Variants in URI1 observed in about 807,000 individuals in gnomAD.
URI1 encodes URI1 prefoldin like chaperone.
Under a neutral mutation model 60.2 loss-of-function variants are expected in URI1, and 39 were observed. The observed-to-expected ratio is 0.65, with a 90% CI of 0.50 to 0.85. The LOEUF (loss-of-function observed/expected upper bound fraction) is 0.85, where lower values mean the gene tolerates loss of function less well. Ranked by LOEUF, URI1 falls within the 40% of genes least tolerant of loss-of-function variation. The pLI is 0.00. For synonymous variants in URI1, 251 were observed against 236.8 expected, an observed-to-expected ratio of 1.06 and a Z score of -0.55; for missense variants, 691 against 665.9, an observed-to-expected ratio of 1.04 and a Z score of -0.42.
At chr19:30,007,295 C>CT (rs1487621066) in intron 6 of URI1, among the ~76,000 whole-genome samples, 175 bp from the exon 7 acceptor site, 1 of 152,022 alleles carries the variant, frequency 6.6e-6, no homozygotes, top group African/African-American at 2.4e-5. Context: ...ATGGACCACA[C>CT]TTTGAGTAGC....
At chr19:29,960,463 A>G (rs1252229261) in intron 1 of URI1, among the ~76,000 whole-genome samples, 1 of 152,068 alleles carries the variant, frequency 6.6e-6, no homozygotes, top group Non-Finnish European at 1.5e-5. Flanking sequence ...TTCATTGTAT[A>G]CAAATTTAAA....
chr19:29,972,609 T>G (rs886206708), intron 2 of URI1, among the ~76,000 whole-genome samples: 4 of 152,186 alleles, frequency 2.6e-5, no homozygotes, highest in African/African-American at 9.6e-5. Context: ...ATTAGAGTTC[T>G]TTAAGGATAA....
chr19:29,969,790 A>G (rs1000897107), intron 1 of URI1, among the ~76,000 whole-genome samples: 8 of 152,222 alleles, frequency 5.3e-5, no homozygotes, highest in African/African-American at 1.7e-4. Flanking sequence ...ATTTAATTCT[A>G]TTTGTCTATT....
In URI1 at chr19:29,942,410, C is replaced by T; in HGVS notation, c.-138C>T. Reference sequence around the variant, plus strand: ...GCGCGGACGCGAACAGCAGCGGCGGCGGCGGGCGCGGCCTCCTGGGCGCGG... The same window carrying T: ...GCGCGGACGCGAACAGCAGCGGCGGTGGCGGGCGCGGCCTCCTGGGCGCGG... On this transcript the variant is annotated 5_prime_UTR_variant, in exon 1 of 11. Coordinates refer to ENST00000392271, the MANE Select transcript of URI1 (RefSeq NM_003796.3). 1 of 982,490 alleles carries T rather than the reference C, an allele frequency of 1.0e-6. No individual in the cohort carries two copies. Among genetic ancestry groups the T allele is most frequent in the East Asian group, 1.1e-4 (1 of 8,774 alleles). The allele number at this position is 982,490 out of a possible 1,614,324, so 60.9% of individuals were successfully genotyped here.
Position 29,942,642 on chromosome 19 carries a change from G to T in URI1, c.95G>T (p.Arg32Leu). ...LVPLRAPDVA[R>L]LREEQEKVVT... is the part of the protein sequence containing the mutation. ...CCGTTGCGCGCCCCGGATGTGGCGC[G>T]GCTGCGCGAGGAGCAGGAAAAGGTA... The change falls in exon 1 of 11, where the codon CGG (arginine) becomes CTG (leucine). Residue 32 changes from arginine (R) to leucine (L), a missense_variant. Physicochemically the swap from Arg to Leu is moderately radical, Grantham distance 102 (BLOSUM62 -2). Coordinates refer to ENST00000392271, the MANE Select transcript of URI1 (RefSeq NM_003796.3). 6.9e-7 allele frequency: 1 copy of T among 1,449,530 alleles called. No individual in the cohort carries two copies. Among genetic ancestry groups the T allele is most frequent in the Non-Finnish European group, 9.1e-7 (1 of 1,102,006 alleles). The allele number at this position is 1,449,530 out of a possible 1,614,324, so 89.8% of individuals were successfully genotyped here.
Position 30,016,534 on chromosome 19 carries a change from C to G in URI1, c.*1465C>G, listed in dbSNP as rs2056088072. 1 of 152,120 alleles carries G rather than the reference C, an allele frequency of 6.6e-6. No homozygotes were observed. The highest frequency in any genetic ancestry group is 2.4e-5 in the African/African-American group (1 of 41,452). The allele number at this position is 152,120 out of a possible 1,614,324, so 9.4% of individuals were successfully genotyped here. A position where few individuals can be genotyped will look rare whatever the true frequency, so the allele number is the denominator to read the frequency against. Reference sequence around the variant, plus strand: ...ATTTTTTTCTCAGAAACAAACTTTACTGTAGGACTATTGTGGTGTTCTTAA... The same window carrying G: ...ATTTTTTTCTCAGAAACAAACTTTAGTGTAGGACTATTGTGGTGTTCTTAA... On this transcript the variant is annotated 3_prime_UTR_variant, in exon 11 of 11. Transcript: ENST00000392271.
At chr19:29,983,429 A>G (rs931525031) in intron 2 of URI1, 1 of 152,168 alleles carries the variant, frequency 6.6e-6, no homozygotes, top group African/African-American at 2.4e-5. Flanking sequence ...TAATTATGCT[A>G]CTGTTGCTTC....
At chr19:29,980,999 G>A (rs1202983502) in intron 2 of URI1, among the ~76,000 whole-genome samples, 1 of 149,818 alleles carries the variant, frequency 6.7e-6, no homozygotes, top group African/African-American at 2.5e-5. Context: ...AGTAAAATTA[G>A]CAAAGTCTTA....
intron 1 of URI1, among the ~76,000 whole-genome samples, chr19:29,950,143 T>G (rs1378864549): frequency 6.6e-6 from 1 of 152,142 alleles, no homozygotes; most frequent in African/African-American, 2.4e-5. Flanking sequence ...CAACTTTGGT[T>G]TTAGTTCTTT....
At chr19:29,930,404 G>A (rs143502973) in intron 1 of URI1, among the ~76,000 whole-genome samples, 4 of 152,110 alleles carry the variant, frequency 2.6e-5, no homozygotes, top group African/African-American at 9.6e-5. Context: ...TAGGTCTTAC[G>A]TTCAGGTCTT....
At position 29,991,421 on chromosome 19, in the gene URI1, A is replaced by C. The variant is rs545507777; in HGVS notation, c.367+5004A>C. On this transcript the variant is annotated intron_variant, in intron 4 of 10. Transcript: ENST00000392271. Reference sequence around the variant, plus strand: ...TTTTTCAAGTGTTCTAGTATATAGAAATAACTCTTTTTAAAAAAGAATTAA... The same window carrying C: ...TTTTTCAAGTGTTCTAGTATATAGACATAACTCTTTTTAAAAAAGAATTAA... 1.1e-3 allele frequency among the ~76,000 whole-genome samples: 172 copies of C among 152,334 alleles called. 2 individuals are homozygous for C. Among genetic ancestry groups the C allele is most frequent in the African/African-American group, 3.8e-3 (158 of 41,568 alleles).
chr19:29,930,745 A>T (rs575824449), intron 1 of URI1, among the ~76,000 whole-genome samples: 81 of 152,080 alleles, frequency 5.3e-4, no homozygotes, highest in African/African-American at 1.9e-3. Context: ...TCCAGGCTGG[A>T]GTGCAGTGGT....
At chr19:29,952,570 T>C (rs1599667901) in intron 1 of URI1, among the ~76,000 whole-genome samples, 1 of 152,006 alleles carries the variant, frequency 6.6e-6, no homozygotes, top group East Asian at 1.9e-4. Context: ...ATGCCTGCTT[T>C]AAGAACCTAT....
chr19:30,007,177 G>A (rs2055954351), intron 6 of URI1, among the ~76,000 whole-genome samples: 1 of 152,076 alleles, frequency 6.6e-6, no homozygotes, highest in Non-Finnish European at 1.5e-5. Context: ...GTGTATGCAG[G>A]TTCTCTGGGG....
intron 1 of URI1, among the ~76,000 whole-genome samples, chr19:29,961,938 G>A (rs2055330931): frequency 6.6e-6 from 1 of 152,176 alleles, no homozygotes; most frequent in South Asian, 2.1e-4. Context: ...ACCCACCTCG[G>A]CCTCCCAAAG....
In URI1 at chr19:29,942,652, G is replaced by A. The variant is rs772777085; in HGVS notation, c.105G>A (p.Glu35=). ...CCCCGGATGTGGCGCGGCTGCGCGA[G>A]GAGCAGGAAAAGGTAACTAGCAGCC... ...LRAPDVARLR[E]EQEKVVTNCQ... is the part of the protein sequence containing the mutation. The change falls in exon 1 of 11, where the codon GAG becomes GAA. Residue 35 remains glutamate (E), a synonymous_variant. Coordinates refer to ENST00000392271, the MANE Select transcript of URI1 (RefSeq NM_003796.3). The A allele has an allele frequency of 1.4e-6, 2 of 1,446,784 alleles. No individual in the cohort carries two copies. The highest frequency in any genetic ancestry group is 1.4e-5 in the South Asian group (1 of 70,492). 89.6% of individuals were successfully genotyped at this position (1,446,784 alleles called of 1,614,324 possible). A position where few individuals can be genotyped will look rare whatever the true frequency, so the allele number is the denominator to read the frequency against.
intron 4 of URI1, among the ~76,000 whole-genome samples, chr19:30,002,831 C>G (rs111412759): frequency 2.4e-3 from 369 of 151,978 alleles, no homozygotes; most frequent in African/African-American, 8.5e-3. Context: ...CAGATATTGT[C>G]TATATCACAA....
chr19:30,008,859 A>ATTTTT, intron 7 of URI1, 146 bp from the exon 8 acceptor site: 1 of 669,478 alleles, frequency 1.5e-6, no homozygotes. Context: ...ATTTCAAAAC[A>ATTTTT]TTTTTTTGTT....
At chr19:29,941,295 G>A (rs58563661), upstream of URI1, among the ~76,000 whole-genome samples, 8,684 of 152,218 alleles carry the variant, frequency 0.057, 283 homozygotes, top group East Asian at 0.11. Flanking sequence ...GCTGTAGGAG[G>A]AAGTGGGCAC....
Sources: allele counts gnomAD v4.1 joint callset (sites outside exome capture counted in the v4.1 genomes callset), GRCh38; gene constraint gnomAD v4.1.1; transcripts MANE v1.5; gene names NCBI Gene and HGNC (gene_info 2026-07-23, HGNC 2026-07-21).